PCMT1: variants seen among roughly 807,000 people sequenced by gnomAD.
The protein encoded by PCMT1 is protein-L-isoaspartate (D-aspartate) O-methyltransferase, also known as protein-L-isoaspartate(D-aspartate) O-methyltransferase.
In PCMT1, 9 loss-of-function variants were observed where a neutral mutation model predicts 29.2. That is an observed-to-expected ratio of 0.31 (90% CI 0.19 to 0.54). PCMT1 has a LOEUF of 0.54. Ranked by LOEUF, PCMT1 falls within the 20% of genes least tolerant of loss-of-function variation. The pLI, the probability that PCMT1 is intolerant of heterozygous loss-of-function variation, is 0.95. For synonymous variants in PCMT1, 98 were observed against 97.5 expected (o/e 1.00, Z -0.03); for missense variants, 184 against 282.2 (o/e 0.65, Z 2.49).
At chr6:149,786,593 T>C (rs1425368803) in intron 3 of PCMT1, among the ~76,000 whole-genome samples, 19 of 120,470 alleles carry the variant, frequency 1.6e-4, no homozygotes, top group Admixed American at 7.7e-4. Context: ...TCCTCACTTC[T>C]CAGATGGGGC....
At chr6:149,794,771 C>A (rs1788532156) in intron 5 of PCMT1, 1 of 476,454 alleles carries the variant, frequency 2.1e-6, no homozygotes, top group Non-Finnish European at 4.2e-6. Context: ...CAGGAGTAAA[C>A]CACACCAAAA....
chr6:149,757,478 G>A (rs1055360608), intron 1 of PCMT1, among the ~76,000 whole-genome samples: 1 of 152,182 alleles, frequency 6.6e-6, no homozygotes, highest in Non-Finnish European at 1.5e-5. Context: ...TTGGATAAGA[G>A]TGATGAAGAT....
chr6:149,780,846 C>T (rs573440269), intron 3 of PCMT1, among the ~76,000 whole-genome samples: 38 of 152,146 alleles, frequency 2.5e-4, no homozygotes, highest in African/African-American at 8.4e-4. Context: ...GTTTTCATTT[C>T]TCTCGAGTAT....
intron 1 of PCMT1, 118 bp downstream of exon 1, chr6:149,750,074 G>C: frequency 7.3e-7 from 1 of 1,376,976 alleles, no homozygotes; most frequent in Non-Finnish European, 9.6e-7. Flanking sequence ...GGGCTTCGGC[G>C]CAGAGTTGCC....
rs1209712068 is a variant in PCMT1, at chr6:149,809,258, C to CAAAAAA, written c.*38-1340_*38-1335dup. Among the ~76,000 whole-genome samples the CAAAAAA allele has an allele frequency of 1.9e-3, 90 of 46,952 alleles. 3 individuals carry two copies. The highest frequency in any genetic ancestry group is 6.7e-3 in the East Asian group (10 of 1,490). The allele number at this position is 46,952 out of a possible 152,430, so 30.8% of individuals were successfully genotyped here. A position where few individuals can be genotyped will look rare whatever the true frequency, so the allele number is the denominator to read the frequency against. ...TAGGTGACAGAGCGAGACTCTGTCT[C>CAAAAAA]AAAAAAAAAAAAAAAAAAAAAAAGC... is the stretch of plus-strand genomic sequence containing the variant. On this transcript the variant is annotated intron_variant, in intron 7 of 7. Transcript: ENST00000464889.
intron 3 of PCMT1, among the ~76,000 whole-genome samples, chr6:149,775,311 A>G (rs967434671): frequency 1.3e-5 from 2 of 152,206 alleles, no homozygotes; most frequent in Admixed American, 6.6e-5. Flanking sequence ...TTCTTGAAAC[A>G]TGACAGAAAA....
At chr6:149,776,105 G>T (rs1562407485) in intron 3 of PCMT1, among the ~76,000 whole-genome samples, 3 of 152,160 alleles carry the variant, frequency 2.0e-5, no homozygotes, top group African/African-American at 7.2e-5. Flanking sequence ...GTTGCGTTGA[G>T]CTGAAATTGC....
At chr6:149,803,142 A>G (rs1490415643) in intron 7 of PCMT1, among the ~76,000 whole-genome samples, 3 of 151,822 alleles carry the variant, frequency 2.0e-5, no homozygotes, top group Non-Finnish European at 2.9e-5. Context: ...AAGGGGAAAG[A>G]TAACGGTCGT....
At position 149,786,678 on chromosome 6, in the gene PCMT1, G is replaced by C. The variant is rs1014958037; in HGVS notation, c.193-3276G>C. Among the ~76,000 whole-genome samples, 11 of 151,102 alleles carry C rather than the reference G, an allele frequency of 7.3e-5. 1 individual carries two copies. Among genetic ancestry groups the C allele is most frequent in the Non-Finnish European group, 1.5e-5 (1 of 67,730 alleles). ...GAGACGCTCCTCACCTCCCAGACGG[G>C]GTCGCGGCCGGGCAGAGGCGCTCCT... On this transcript the variant is annotated intron_variant, in intron 3 of 7. Coordinates refer to ENST00000464889, the MANE Select transcript of PCMT1 (RefSeq NM_001360452.2).
At position 149,752,036 on chromosome 6, in the gene PCMT1, G is replaced by GTTTTTTT. The variant is rs60405304; in HGVS notation, c.55+2090_55+2096dup. Among the ~76,000 whole-genome samples the GTTTTTTT allele has an allele frequency of 1.4e-4, 17 of 122,812 alleles. 1 individual carries two copies. Among genetic ancestry groups the GTTTTTTT allele is most frequent in the South Asian group, 2.7e-4 (1 of 3,728 alleles). The allele number at this position is 122,812 out of a possible 152,430, so 80.6% of individuals were successfully genotyped here. A position where few individuals can be genotyped will look rare whatever the true frequency, so the allele number is the denominator to read the frequency against. ...CCACCATACCAGGCTAATTTTTAGG[G>GTTTTTTT]TTTTTTTTTTTTTTTTGGTAGTTTA... On this transcript the variant is annotated intron_variant, in intron 1 of 7. Transcript: ENST00000464889.
In PCMT1 at chr6:149,807,552, G is replaced by A. The variant is rs369643441; in HGVS notation, c.*38-3064G>A. On this transcript the variant is annotated intron_variant, in intron 7 of 7. Transcript: ENST00000464889. ...GGCCCGGCTAATTTTTGTATTTTTA[G>A]TAGAGACGGGGTTTCACTGTGTTGA... is the stretch of plus-strand genomic sequence containing the variant. Among the ~76,000 whole-genome samples, 34 of 152,180 alleles carry A rather than the reference G, an allele frequency of 2.2e-4. No homozygotes were observed. In the East Asian group the frequency reaches 6.2e-3, roughly 28 times the overall value.
chr6:149,772,688 A>G, intron 2 of PCMT1: 1 of 412,882 alleles, frequency 2.4e-6, no homozygotes, highest in Middle Eastern at 3.5e-4. Context: ...AATAGAAGTA[A>G]GTTTTATTTT....
Position 149,802,180 on chromosome 6 carries a change from CTT to C in PCMT1, c.505-9_505-8del, listed in dbSNP as rs11297063. ...AATCTGTAACTTGGTGATGTATGTG[CTT>C]TTTTTTTTTTCTTTTAGCTAATAGA... On this transcript the variant is annotated intron_variant, in intron 6 of 7. Coordinates refer to ENST00000464889, the MANE Select transcript of PCMT1 (RefSeq NM_001360452.2). 10,655 of 1,234,418 alleles carry C rather than the reference CTT, an allele frequency of 8.6e-3. No individual in the cohort carries two copies. Among genetic ancestry groups the C allele is most frequent in the East Asian group, 0.033 (1,041 of 31,824 alleles). 76.5% of individuals were successfully genotyped at this position (1,234,418 alleles called of 1,614,324 possible).
intron 4 of PCMT1, among the ~76,000 whole-genome samples, chr6:149,792,094 C>T (rs992608453): frequency 6.6e-6 from 1 of 151,802 alleles, no homozygotes; most frequent in African/African-American, 2.4e-5. Flanking sequence ...GCAGGTGGAT[C>T]ACCTGAGGTC....
intron 6 of PCMT1, among the ~76,000 whole-genome samples, chr6:149,798,758 T>C (rs1361821582): frequency 6.6e-6 from 1 of 152,232 alleles, no homozygotes; most frequent in African/African-American, 2.4e-5. Context: ...TGAAATATTA[T>C]GCATACGCAG....
chr6:149,786,734 C>T (rs1177319907), intron 3 of PCMT1, among the ~76,000 whole-genome samples: 4 of 150,014 alleles, frequency 2.7e-5, no homozygotes, highest in African/African-American at 7.4e-5. Flanking sequence ...GGGGCAGAGG[C>T]GCTCCCCACA....
intron 2 of PCMT1, chr6:149,772,768 A>G: frequency 2.9e-6 from 1 of 350,112 alleles, no homozygotes; most frequent in Non-Finnish European, 5.5e-6. Flanking sequence ...CTGTAATCCT[A>G]GCACTTTGGG....
intron 1 of PCMT1, among the ~76,000 whole-genome samples, chr6:149,767,828 C>G (rs543003947): frequency 1.3e-5 from 2 of 152,158 alleles, no homozygotes; most frequent in East Asian, 3.9e-4. Flanking sequence ...ACGTCTTGCT[C>G]TGTCACCCAG....
chr6:149,793,763 A>AT (rs373821867), intron 5 of PCMT1, 94 bp downstream of exon 5: 837 of 1,088,824 alleles, frequency 7.7e-4, no homozygotes, highest in African/African-American at 1.3e-3. Context: ...TAATTATTGT[A>AT]TTTTTTTTTA....
Sources: gnomAD v4.1 joint callset for allele counts (sites outside exome capture counted in the v4.1 genomes callset) on GRCh38, gnomAD v4.1.1 for gene constraint, MANE v1.5 for transcripts, NCBI Gene and HGNC (gene_info 2026-07-23, HGNC 2026-07-21) for gene names.